MTREX: variants seen among roughly 807,000 people sequenced by gnomAD.
MTREX encodes exosome RNA helicase MTR4.
In MTREX, 76 loss-of-function variants were observed where a neutral mutation model predicts 135.4. That is an observed-to-expected ratio of 0.56 (90% confidence interval 0.47 to 0.68). The LOEUF (loss-of-function observed/expected upper bound fraction) is 0.68, where lower values mean the gene tolerates loss of function less well. Among genes scored for constraint, MTREX ranks in the 30% least tolerant of loss-of-function variants. MTREX has a pLI of 0.00. For synonymous variants in MTREX, 404 were observed against 401.6 expected (o/e 1.01, Z -0.07); for missense variants, 920 against 1,262.1 (o/e 0.73, Z 4.11).
intron 25 of MTREX, among the ~76,000 whole-genome samples, chr5:55,422,142 T>A (rs1751064697): frequency 6.6e-6 from 1 of 152,210 alleles, no homozygotes; most frequent in African/African-American, 2.4e-5. Context: ...GCGTTTTAGA[T>A]TTAGGCAGGT....
At chr5:55,405,275 T>C (rs935623471) in intron 21 of MTREX, 150 bp from the exon 22 acceptor site, 1 of 558,198 alleles carries the variant, frequency 1.8e-6, no homozygotes, top group Non-Finnish European at 3.1e-6. Flanking sequence ...AAGCTCCAGT[T>C]TCCCCAGTCT....
intron 20 of MTREX, among the ~76,000 whole-genome samples, chr5:55,398,825 G>A (rs979466076): frequency 8.5e-5 from 13 of 152,156 alleles, no homozygotes; most frequent in East Asian, 1.9e-4. Context: ...TTAATTTCAT[G>A]ATAATCTGAG....
intron 5 of MTREX, among the ~76,000 whole-genome samples, chr5:55,336,966 T>G (rs920390275): frequency 3.3e-5 from 5 of 152,210 alleles, no homozygotes; most frequent in Admixed American, 2.0e-4. Context: ...CTGTTTTCCA[T>G]AAGACTTTGT....
At chr5:55,343,537 C>T in intron 8 of MTREX, 82 bp downstream of exon 8, 1 of 1,208,470 alleles carries the variant, frequency 8.3e-7, no homozygotes, top group East Asian at 2.4e-5. Flanking sequence ...TTGCTTTTCT[C>T]CTGATGTTGT....
At chr5:55,386,113 T>G (rs1579885918) in intron 18 of MTREX, among the ~76,000 whole-genome samples, 1 of 152,142 alleles carries the variant, frequency 6.6e-6, no homozygotes, top group African/African-American at 2.4e-5. Flanking sequence ...GCAGAGGGAG[T>G]ATCCAAACCG....
At chr5:55,325,499 T>G (rs908227190) in intron 3 of MTREX, among the ~76,000 whole-genome samples, 1 of 145,840 alleles carries the variant, frequency 6.9e-6, no homozygotes, top group African/African-American at 2.6e-5. Context: ...GCTTGGCTAA[T>G]TTTTTTTTTT....
intron 1 of MTREX, among the ~76,000 whole-genome samples, chr5:55,318,558 G>C (rs1188509875): frequency 6.6e-6 from 1 of 152,178 alleles, no homozygotes; most frequent in Admixed American, 6.5e-5. Context: ...TTATAAATGG[G>C]AGCTAAAAGA....
intron 9 of MTREX, among the ~76,000 whole-genome samples, chr5:55,344,837 C>G (rs1273835828): frequency 6.6e-6 from 1 of 152,118 alleles, no homozygotes; most frequent in Non-Finnish European, 1.5e-5. Context: ...GATTTCCCTC[C>G]TTTCCCAGTA....
In MTREX at chr5:55,379,137, A is replaced by G. The variant is rs1750353177; in HGVS notation, c.1994A>G (p.Glu665Gly). The G allele has an allele frequency of 6.2e-7, 1 of 1,608,456 alleles. No homozygotes were observed. The highest frequency in any genetic ancestry group is 2.2e-5 in the East Asian group (1 of 44,736). Residue 665 changes from glutamate to glycine, a missense_variant, in exon 18 of 27, where the codon GAA (glutamate) becomes GGA (glycine). Glu to Gly is a moderately conservative substitution (Grantham distance 98). Coordinates refer to ENST00000230640, the MANE Select transcript of MTREX (RefSeq NM_015360.5). ...QPGRLVKVKN[E>G]GDDFGWGVVV... The stretch of plus-strand genomic sequence containing the variant: ...TTTCTTTCTTTTTAGGTAAAGAATG[A>G]AGGAGATGACTTTGGCTGGGGAGTA...
At chr5:55,406,211 CTT>C (rs1219903756) in intron 22 of MTREX, among the ~76,000 whole-genome samples, 1 of 152,190 alleles carries the variant, frequency 6.6e-6, no homozygotes, top group Non-Finnish European at 1.5e-5. Flanking sequence ...ACTTTATCCT[CTT>C]ATTGTTTTTA....
chr5:55,367,225 G>A (rs1029640109), intron 16 of MTREX, among the ~76,000 whole-genome samples: 2 of 152,192 alleles, frequency 1.3e-5, no homozygotes, highest in Non-Finnish European at 2.9e-5. Context: ...AGTGGCTCAT[G>A]CCTGTAATCC....
intron 15 of MTREX, 125 bp from the exon 16 acceptor site, chr5:55,366,600 G>A: frequency 1.5e-6 from 1 of 646,184 alleles, no homozygotes. Flanking sequence ...TAACTAAAGG[G>A]TAGAACTAAT....
At position 55,327,452 on chromosome 5, in the gene MTREX, C is replaced by T. The variant is rs567209573; in HGVS notation, c.340-264C>T. 21 of 328,750 alleles carry T rather than the reference C, an allele frequency of 6.4e-5. No individual in the cohort carries two copies. The South Asian group carries it at 8.3e-4, about 13-fold the overall frequency. 20.4% of individuals were successfully genotyped at this position (328,750 alleles called of 1,614,324 possible). On this transcript the variant is annotated intron_variant, in intron 3 of 26. Transcript: ENST00000230640. ...GTAGTAGTTTCGACTTTAAAAAGTA[C>T]ACAGTTTCCTCAGGGAGATAAACAT...
intron 8 of MTREX, among the ~76,000 whole-genome samples, chr5:55,344,247 G>A (rs1749694966): frequency 6.6e-6 from 1 of 152,140 alleles, no homozygotes; most frequent in South Asian, 2.1e-4. Flanking sequence ...CGTAATTACA[G>A]CATTCCAGGG....
intron 5 of MTREX, among the ~76,000 whole-genome samples, chr5:55,333,486 T>A (rs6866585): frequency 0.14 from 20,857 of 152,168 alleles, 1,748 homozygotes; most frequent in East Asian, 0.26. Flanking sequence ...AATAATTTGA[T>A]TTTTGGCCAT....
chr5:55,341,819 CATT>C, intron 7 of MTREX, 48 bp downstream of exon 7: 1 of 957,858 alleles, frequency 1.0e-6, no homozygotes, highest in African/African-American at 1.7e-5. Flanking sequence ...TTCAGAATGA[CATT>C]AGGAATTTTG....
At chr5:55,344,200 A>G (rs762752792) in intron 8 of MTREX, among the ~76,000 whole-genome samples, 4 of 152,120 alleles carry the variant, frequency 2.6e-5, no homozygotes, top group Non-Finnish European at 4.4e-5. Context: ...CCTTTGTATC[A>G]CCGTATACCT....
intron 1 of MTREX, among the ~76,000 whole-genome samples, chr5:55,319,881 A>G (rs892561744): frequency 2.6e-5 from 4 of 152,338 alleles, no homozygotes; most frequent in East Asian, 1.9e-4. Flanking sequence ...TTTGTTTTAT[A>G]GACTTTAACC....
At chr5:55,320,281 G>T (rs932102766) in intron 1 of MTREX, among the ~76,000 whole-genome samples, 13 of 148,986 alleles carry the variant, frequency 8.7e-5, no homozygotes, top group Non-Finnish European at 1.6e-4. Context: ...ACAGTGGCAC[G>T]ATCTCAGCTC....
Sources: allele counts gnomAD v4.1 joint callset (sites outside exome capture counted in the v4.1 genomes callset), GRCh38; gene constraint gnomAD v4.1.1; transcripts MANE v1.5; gene names NCBI Gene and HGNC (gene_info 2026-07-23, HGNC 2026-07-21).